The following ZC3H13 variants were observed in gnomAD, a reference collection of about 807,000 sequenced individuals.
ZC3H13 encodes zinc finger CCCH-type containing 13.
Under a neutral mutation model 204.1 loss-of-function variants are expected in ZC3H13, and 64 were observed. That is an observed-to-expected ratio of 0.31 (90% CI 0.26 to 0.39). The LOEUF (loss-of-function observed/expected upper bound fraction) is 0.39, where lower values mean the gene tolerates loss of function less well. ZC3H13 is among the 10% of genes least tolerant of loss of function. ZC3H13 has a pLI of 1.00. For missense variants in ZC3H13, 1,833 were observed against 2,082.7 expected (o/e 0.88, Z 2.33); for synonymous variants, 667 against 693.7 (o/e 0.96, Z 0.60).
rs56296632 is a variant in ZC3H13 at position 46,025,892 on chromosome 13, TAA to T, written c.340-5337_340-5336del. The stretch of plus-strand genomic sequence containing the variant: ...ATAATTGGACACATCTGATTAAAGC[TAA>T]AAAAAAAAAAAACTTTATTAATCTA... On this transcript the variant is annotated intron_variant, in intron 4 of 18. Transcript: ENST00000679008. 3.8e-3 allele frequency among the ~76,000 whole-genome samples: 556 copies of T among 147,234 alleles called. 4 individuals carry two copies. Among genetic ancestry groups the T allele is most frequent in the African/African-American group, 0.011 (434 of 40,392 alleles).
Position 45,958,118 on chromosome 13 carries a change from A to C in ZC3H13, c.4840-821T>G, listed in dbSNP as rs1392248711. 4.6e-5 allele frequency among the ~76,000 whole-genome samples: 7 copies of C among 152,190 alleles called. 1 individual carries two copies. Among genetic ancestry groups the C allele is most frequent in the Admixed American group, 3.3e-4 (5 of 15,272 alleles). On this transcript the variant is annotated intron_variant, in intron 18 of 18. Transcript: ENST00000679008. ...AGGAAAACTTGATTATACAGTCAAG[A>C]CATGTTTTAAAAATCTCCTGTTCCT...
intron 18 of ZC3H13, among the ~76,000 whole-genome samples, chr13:45,958,588 A>G (rs1951434843): frequency 6.6e-6 from 1 of 151,800 alleles, no homozygotes; most frequent in African/African-American, 2.4e-5. Flanking sequence ...GCTTCGGATT[A>G]GGAATACTCA....
rs746013944 is a variant in ZC3H13 at position 45,969,907 on chromosome 13, C to T, written c.2637G>A (p.Ser879=). 1.4e-5 allele frequency: 22 copies of T among 1,613,424 alleles called. No homozygotes were observed. The highest frequency in any genetic ancestry group is 3.3e-5 in the South Asian group (3 of 91,078). ...TACCCTGTCTGTCTTCTGTGAGGTG[C>T]GAGGGACTAAGAGAACGAGATTCTT... ...RPQESRSLSP[S]HLTEDRQGRW... Residue 879 remains serine (S), a synonymous_variant, in exon 14 of 19, where the codon TCG becomes TCA. Transcript: ENST00000679008.
intron 4 of ZC3H13, among the ~76,000 whole-genome samples, chr13:46,025,673 T>A (rs1176724311): frequency 6.6e-6 from 1 of 152,184 alleles, no homozygotes; most frequent in Non-Finnish European, 1.5e-5. Flanking sequence ...AAAAATAAAC[T>A]TAGTTTCAAA....
chr13:46,050,335 TAATAA>T (rs2044314913), intron 1 of ZC3H13, among the ~76,000 whole-genome samples: 1 of 152,124 alleles, frequency 6.6e-6, no homozygotes, highest in Admixed American at 6.5e-5. Context: ...GAAGCTCAAT[TAATAA>T]AATCTTGTCA....
At chr13:45,965,557 G>T in intron 15 of ZC3H13, 125 bp from the exon 16 acceptor site, 3 of 824,150 alleles carry the variant, frequency 3.6e-6, no homozygotes, top group Non-Finnish European at 5.2e-6. Flanking sequence ...TCAGAAAACT[G>T]TATCTCTTAA....
At chr13:46,009,236 G>GA (rs2041372915) in intron 7 of ZC3H13, among the ~76,000 whole-genome samples, 1 of 152,094 alleles carries the variant, frequency 6.6e-6, no homozygotes, top group Admixed American at 6.6e-5. Context: ...TGACAAGAAA[G>GA]AAAAGACCAA....
intron 12 of ZC3H13, among the ~76,000 whole-genome samples, chr13:45,972,444 G>T (rs530279395): frequency 5.9e-5 from 9 of 152,254 alleles, no homozygotes; most frequent in Admixed American, 3.9e-4. Context: ...GACTCAGAAG[G>T]GGGAGGGTGG....
chr13:45,971,164 T>C (rs1438517061), intron 12 of ZC3H13, among the ~76,000 whole-genome samples: 1 of 152,250 alleles, frequency 6.6e-6, no homozygotes, highest in Admixed American at 6.5e-5. Flanking sequence ...ACGTTCATTA[T>C]ATTTTTTGTT....
chr13:45,957,527 G>C (rs1345315608), intron 18 of ZC3H13, among the ~76,000 whole-genome samples: 1 of 152,154 alleles, frequency 6.6e-6, no homozygotes, highest in Non-Finnish European at 1.5e-5. Context: ...CTTAAAGTAG[G>C]AATCCTCTCA....
intron 14 of ZC3H13, among the ~76,000 whole-genome samples, chr13:45,968,301 C>T (rs1952262141): frequency 1.3e-5 from 2 of 151,854 alleles, no homozygotes; most frequent in South Asian, 4.2e-4. Flanking sequence ...TCTATTTCCA[C>T]TATAACCATA....
chr13:45,962,048 G>T, intron 17 of ZC3H13: 1 of 466,676 alleles, frequency 2.1e-6, no homozygotes, highest in Non-Finnish European at 2.8e-6. Context: ...TGGTACACTT[G>T]AATAGACAAA....
At chr13:45,965,700 CAAAT>C (rs1043985437) in intron 15 of ZC3H13, among the ~76,000 whole-genome samples, 2 of 152,146 alleles carry the variant, frequency 1.3e-5, no homozygotes, top group South Asian at 2.1e-4. Flanking sequence ...AAAAATATGA[CAAAT>C]AAAAGCTACT....
rs374130519 is a variant in ZC3H13, at chr13:46,003,186, G to T, written c.897C>A (p.Asp299Glu). Reference protein sequence around the residue: ...RIEEKTRDGKDRGRDFERQRE... With the variant: ...RIEEKTRDGKERGRDFERQRE... ...TTTGTCGTTCAAAATCTCGTCCTCT[G>T]TCCTTTCCATCTCTTGTTTTTTCTT... Residue 299 changes from aspartate (D) to glutamate (E), a missense_variant, in exon 8 of 19, where the codon GAC (aspartate) becomes GAA (glutamate). Asp to Glu is a conservative substitution (Grantham distance 45, BLOSUM62 2). Transcript: ENST00000679008. The T allele has an allele frequency of 7.4e-6, 12 of 1,612,590 alleles. No individual in the cohort carries two copies. The Admixed American group carries it at 8.3e-5, about 11-fold the overall frequency.
Position 45,968,791 on chromosome 13 carries a change from A to C in ZC3H13, c.3753T>G (p.Ile1251Met). The C allele has an allele frequency of 6.2e-7, 1 of 1,610,842 alleles. No homozygotes were observed. Among genetic ancestry groups the C allele is most frequent in the Non-Finnish European group, 8.5e-7 (1 of 1,179,144 alleles). The change falls in exon 14 of 19, where the codon ATT becomes ATG. Residue 1251 changes from isoleucine (I) to methionine (M), a missense_variant. This residue lies in a region of ZC3H13 where 1,574 missense variants were observed against 1,757.2 expected (regional missense o/e 0.90). Transcript: ENST00000679008. ...LEITGERKSR[I>M]DQLKRGEPSR... Reference sequence around the variant, plus strand: ...TGGGTTCTCCACGCTTTAACTGATCAATCCTAGATTTTCTCTCTCCTGTGA... The same window carrying C: ...TGGGTTCTCCACGCTTTAACTGATCCATCCTAGATTTTCTCTCTCCTGTGA...
chr13:45,969,466 C>A lies in ZC3H13; in HGVS notation c.3078G>T (p.Lys1026Asn). The A allele has an allele frequency of 1.9e-6, 3 of 1,613,132 alleles. No individual in the cohort carries two copies. Among genetic ancestry groups the A allele is most frequent in the Non-Finnish European group, 2.5e-6 (3 of 1,179,784 alleles). Residue 1026 changes from lysine (K) to asparagine (N), a missense_variant, in exon 14 of 19, where the codon AAG becomes AAT. Physicochemically the swap from Lys to Asn is moderately conservative, Grantham distance 94. Around this residue, in one of 5 missense-constraint regions of ZC3H13, gnomAD observed 1,574 missense variants for 1,757.2 expected, o/e 0.90. Transcript: ENST00000679008. ...ISDEEAAQQSKKKRGPRTPPI... is the reference protein window; with the variant it reads ...ISDEEAAQQSNKKRGPRTPPI... ...GGGGAGTCCGTGGGCCTCTTTTCTT[C>A]TTACTTTGCTGGGCTGCTTCTTCAT...
Position 46,042,965 on chromosome 13 carries a change from T to C in ZC3H13, c.228-690A>G, listed in dbSNP as rs191927783. 3.7e-3 allele frequency among the ~76,000 whole-genome samples: 564 copies of C among 152,132 alleles called. 3 individuals carry two copies. The highest frequency in any genetic ancestry group is 0.013 in the African/African-American group (534 of 41,560). Reference sequence around the variant, plus strand: ...ATTTTTTAACTAAAGGAAAAATACATATTTATACTCAACAGTGGTAAGGCT... The same window carrying C: ...ATTTTTTAACTAAAGGAAAAATACACATTTATACTCAACAGTGGTAAGGCT... On this transcript the variant is annotated intron_variant, in intron 3 of 18. Transcript: ENST00000679008.
At chr13:46,024,785 T>C (rs1372667962) in intron 4 of ZC3H13, among the ~76,000 whole-genome samples, 5 of 152,084 alleles carry the variant, frequency 3.3e-5, no homozygotes, top group Non-Finnish European at 5.9e-5. Flanking sequence ...TCTAAGTATT[T>C]CCCCCATGTT....
At chr13:45,958,583 G>A (rs1379509481) in intron 18 of ZC3H13, among the ~76,000 whole-genome samples, 2 of 151,572 alleles carry the variant, frequency 1.3e-5, no homozygotes, top group African/African-American at 2.4e-5. Flanking sequence ...CAAAAGCTTC[G>A]GATTAGGAAT....
Sources: allele counts gnomAD v4.1 joint callset (sites outside exome capture counted in the v4.1 genomes callset), GRCh38; gene constraint gnomAD v4.1.1; regional missense constraint gnomAD v4.1.1; transcripts MANE v1.5; gene names NCBI Gene and HGNC (gene_info 2026-07-23, HGNC 2026-07-21).